DAB1: variants seen among roughly 807,000 people sequenced by gnomAD.
DAB1 encodes the protein DAB adaptor protein 1.
DAB1 carries 15 observed loss-of-function variants against 64.6 expected under a neutral mutation model. The observed-to-expected ratio is 0.23, with a 90% CI of 0.16 to 0.36. DAB1 has a LOEUF of 0.36. Ranked by LOEUF, DAB1 falls within the 10% of genes least tolerant of loss-of-function variation. DAB1 has a pLI of 1.00. For synonymous variants in DAB1, 235 were observed against 251.9 expected (o/e 0.93, Z 0.64); for missense variants, 596 against 706.7 (o/e 0.84, Z 1.78).
chr1:57,766,833 T>A (rs1276538818), intron 6 of DAB1, among the ~76,000 whole-genome samples: 1 of 117,550 alleles, frequency 8.5e-6, no homozygotes, highest in Non-Finnish European at 1.9e-5. Context: ...CTAACTTGGA[T>A]ACAAATCAAG....
At chr1:58,352,612 A>G (rs1243530898) in intron 3 of DAB1, among the ~76,000 whole-genome samples, 1 of 152,144 alleles carries the variant, frequency 6.6e-6, no homozygotes, top group African/African-American at 2.4e-5. Flanking sequence ...CTATCGGAAA[A>G]GTGGGTCTAA....
chr1:57,217,410 A>G (rs1666508955), intron 2 of DAB1, among the ~76,000 whole-genome samples: 1 of 152,170 alleles, frequency 6.6e-6, no homozygotes, highest in African/African-American at 2.4e-5. Flanking sequence ...AAGGACCTGA[A>G]TTATATGTCC....
chr1:58,402,761 T>C (rs1276032838), intron 3 of DAB1, among the ~76,000 whole-genome samples: 1 of 152,172 alleles, frequency 6.6e-6, no homozygotes, highest in Non-Finnish European at 1.5e-5. Flanking sequence ...GGAGCTGATA[T>C]TATAATAATG....
chr1:58,244,029 A>G (rs1317956978), intron 4 of DAB1, among the ~76,000 whole-genome samples: 1 of 152,218 alleles, frequency 6.6e-6, no homozygotes, highest in Non-Finnish European at 1.5e-5. Flanking sequence ...AAGAGTCTAA[A>G]GAAAGAAAAT....
At position 57,065,590 on chromosome 1, in the gene DAB1, C is replaced by T. The variant is rs183723064; in HGVS notation, c.664-2647G>A. ...TTGGTGAAACAAAGAAATGCCTAAT[C>T]GCCAAGCATTCAGCCCATGAGTGCT... is the stretch of plus-strand genomic sequence containing the variant. On this transcript the variant is annotated intron_variant, in intron 8 of 14. Transcript: ENST00000371236. 8.5e-4 allele frequency among the ~76,000 whole-genome samples: 130 copies of T among 152,314 alleles called. 1 individual carries two copies. Among genetic ancestry groups the T allele is most frequent in the Non-Finnish European group, 1.5e-3 (100 of 68,032 alleles).
chr1:57,921,263 T>C (rs1233783834), intron 5 of DAB1, among the ~76,000 whole-genome samples: 2 of 152,184 alleles, frequency 1.3e-5, no homozygotes, highest in Non-Finnish European at 2.9e-5. Context: ...CATGCACGTG[T>C]ATATTCTCAG....
rs1658526577 is a variant in DAB1, at chr1:57,140,847, T to C, written c.208-4206A>G. Among the ~76,000 whole-genome samples the C allele has an allele frequency of 2.0e-5, 3 of 152,202 alleles. 1 individual carries two copies. In the South Asian group the frequency reaches 6.2e-4, roughly 32 times the overall value. ...TAGGCAGTATCTCGATGGAGGACGT[T>C]ACATATAGAGAAAAGGTCAGGCATG... is the stretch of plus-strand genomic sequence containing the variant. On this transcript the variant is annotated intron_variant, in intron 3 of 14. Coordinates refer to ENST00000371236, the MANE Select transcript of DAB1 (RefSeq NM_001365792.1).
chr1:57,951,101 C>G (rs1645266492), intron 5 of DAB1, among the ~76,000 whole-genome samples: 1 of 151,908 alleles, frequency 6.6e-6, no homozygotes, highest in South Asian at 2.1e-4. Context: ...CATGTTAACA[C>G]ATAATTTATT....
intron 5 of DAB1, among the ~76,000 whole-genome samples, chr1:57,890,330 C>CT (rs1644292557): frequency 2.0e-5 from 3 of 152,158 alleles, no homozygotes; most frequent in Admixed American, 2.0e-4. Context: ...AAGAGAGTCA[C>CT]TTCTGCCACT....
chr1:58,186,457 T>C (rs1657081576), intron 4 of DAB1, among the ~76,000 whole-genome samples: 1 of 152,202 alleles, frequency 6.6e-6, no homozygotes, highest in Non-Finnish European at 1.5e-5. Context: ...AGGAAGTAAA[T>C]AAAAGTGAAA....
At chr1:57,140,601 G>A (rs1658503656) in intron 3 of DAB1, among the ~76,000 whole-genome samples, 1 of 152,168 alleles carries the variant, frequency 6.6e-6, no homozygotes, top group African/African-American at 2.4e-5. Context: ...TAGTGCTGAA[G>A]AGGAACCCCA....
At chr1:57,093,518 C>T (rs1653881283) in intron 4 of DAB1, among the ~76,000 whole-genome samples, 1 of 152,090 alleles carries the variant, frequency 6.6e-6, no homozygotes, top group Non-Finnish European at 1.5e-5. Flanking sequence ...GGAATAATAA[C>T]ATACAATTTC....
chr1:58,527,202 C>G, intron 2 of DAB1: 1 of 836,720 alleles, frequency 1.2e-6, no homozygotes, highest in East Asian at 2.4e-5. Flanking sequence ...TAAAATAACA[C>G]ACGTTTATCT....
intron 2 of DAB1, among the ~76,000 whole-genome samples, chr1:57,234,807 G>T (rs1361175573): frequency 6.6e-6 from 1 of 152,184 alleles, no homozygotes; most frequent in African/African-American, 2.4e-5. Flanking sequence ...GTAGCTGTAG[G>T]ACTGAGCTAT....
intron 4 of DAB1, among the ~76,000 whole-genome samples, chr1:58,211,547 G>A (rs1018751861): frequency 6.6e-6 from 1 of 152,150 alleles, no homozygotes; most frequent in African/African-American, 2.4e-5. Context: ...GCAAACAAAT[G>A]AAGGAGAAAG....
At chr1:57,226,672 A>AAAAAAAATATATATAT (rs747021990) in intron 2 of DAB1, among the ~76,000 whole-genome samples, 248 of 135,954 alleles carry the variant, frequency 1.8e-3, no homozygotes, top group African/African-American at 6.9e-3. Flanking sequence ...TTAAAAAAAA[A>AAAAAAAATATATATAT]ATATATATAT....
chr1:58,132,743 G>T (rs527608194), intron 5 of DAB1, among the ~76,000 whole-genome samples: 8 of 152,154 alleles, frequency 5.3e-5, no homozygotes, highest in Non-Finnish European at 8.8e-5. Context: ...AGCCTCGCCA[G>T]GATGCTGTCT....
At chr1:58,253,531 A>G (rs1660853532) in intron 4 of DAB1, among the ~76,000 whole-genome samples, 1 of 152,250 alleles carries the variant, frequency 6.6e-6, no homozygotes, top group Admixed American at 6.5e-5. Flanking sequence ...TGGACCCATC[A>G]CATCACCACT....
intron 7 of DAB1, among the ~76,000 whole-genome samples, chr1:57,535,396 C>T (rs1252167690): frequency 6.6e-6 from 1 of 151,648 alleles, no homozygotes; most frequent in African/African-American, 2.4e-5. Flanking sequence ...AGCTACCTAC[C>T]TTGTTGCCTG....
Sources: allele counts gnomAD v4.1 joint callset (sites outside exome capture counted in the v4.1 genomes callset), GRCh38; gene constraint gnomAD v4.1.1; transcripts MANE v1.5; gene names NCBI Gene and HGNC (gene_info 2026-07-23, HGNC 2026-07-21).